PRKCE: variants seen among roughly 807,000 people sequenced by gnomAD.
PRKCE encodes the protein protein kinase C epsilon type.
Under a neutral mutation model 85.4 loss-of-function variants are expected in PRKCE, and 16 were observed. The observed-to-expected ratio is 0.19, with a 90% confidence interval of 0.13 to 0.28. PRKCE has a LOEUF of 0.28. Among genes scored for constraint, PRKCE ranks in the 10% least tolerant of loss-of-function variants. The probability of loss-of-function intolerance (pLI) is 1.00; values close to 1 mark genes in which losing one functional copy is unlikely to be tolerated. For missense variants in PRKCE, 573 were observed against 975.2 expected, an observed-to-expected ratio of 0.59 and a Z score of 5.49; for synonymous variants, 388 against 371.5, an observed-to-expected ratio of 1.04 and a Z score of -0.51.
chr2:45,956,979 T>TA (rs1354989513), intron 2 of PRKCE, among the ~76,000 whole-genome samples: 1 of 152,234 alleles, frequency 6.6e-6, no homozygotes, highest in East Asian at 1.9e-4. Context: ...GCTCATTTTT[T>TA]ATTTGACTGT....
chr2:45,894,553 G>A (rs1695983433), intron 2 of PRKCE, among the ~76,000 whole-genome samples: 1 of 151,942 alleles, frequency 6.6e-6, no homozygotes. Flanking sequence ...TACCTGAAAT[G>A]TGGTTGTCTT....
chr2:45,815,119 C>T (rs1220165771), intron 1 of PRKCE, among the ~76,000 whole-genome samples: 1 of 152,154 alleles, frequency 6.6e-6, no homozygotes, highest in African/African-American at 2.4e-5. Flanking sequence ...ATTTAGTCCC[C>T]AAGCCAGAAC....
At chr2:45,874,381 C>G (rs1289925525) in intron 2 of PRKCE, among the ~76,000 whole-genome samples, 4 of 152,344 alleles carry the variant, frequency 2.6e-5, no homozygotes, top group South Asian at 4.1e-4. Flanking sequence ...TGTGCCTGTC[C>G]TCTGGCCTCC....
intron 1 of PRKCE, among the ~76,000 whole-genome samples, chr2:45,720,225 T>A (rs144078578): frequency 6.6e-6 from 1 of 152,292 alleles, no homozygotes; most frequent in Non-Finnish European, 1.5e-5. Flanking sequence ...GAGCAGCCAC[T>A]GTCCCACCCT....
intron 2 of PRKCE, among the ~76,000 whole-genome samples, chr2:45,944,324 C>G (rs961984990): frequency 6.6e-6 from 1 of 152,156 alleles, no homozygotes; most frequent in Non-Finnish European, 1.5e-5. Context: ...GCAGGCATTC[C>G]TTATGCATGA....
At chr2:45,992,741 C>G (rs1025449037) in intron 6 of PRKCE, among the ~76,000 whole-genome samples, 1 of 152,194 alleles carries the variant, frequency 6.6e-6, no homozygotes, top group Non-Finnish European at 1.5e-5. Context: ...TTCCCAGGAG[C>G]CTGGCCTGCC....
intron 1 of PRKCE, among the ~76,000 whole-genome samples, chr2:45,752,140 CAAGTGAACA>C (rs1683627881): frequency 6.6e-6 from 1 of 152,194 alleles, no homozygotes; most frequent in Non-Finnish European, 1.5e-5. Context: ...AGCAAGAAAA[CAAGTGAACA>C]TCACATGGAA....
At chr2:45,869,429 T>C (rs1693895953) in intron 2 of PRKCE, among the ~76,000 whole-genome samples, 2 of 152,198 alleles carry the variant, frequency 1.3e-5, no homozygotes, top group Non-Finnish European at 2.9e-5. Flanking sequence ...TCACAAAATA[T>C]TGCTAACGAT....
chr2:45,918,086 C>G (rs950690024), intron 2 of PRKCE, among the ~76,000 whole-genome samples: 18 of 152,214 alleles, frequency 1.2e-4, no homozygotes, highest in African/African-American at 4.3e-4. Flanking sequence ...CTGAGGGAGC[C>G]GGCTCCGGCC....
At chr2:45,893,983 A>T (rs2103634322) in intron 2 of PRKCE, among the ~76,000 whole-genome samples, 1 of 152,226 alleles carries the variant, frequency 6.6e-6, no homozygotes, top group African/African-American at 2.4e-5. Flanking sequence ...CAGTTTGCCC[A>T]TTTGTAAAAT....
chr2:46,136,949 C>T (rs1251201220), intron 11 of PRKCE, among the ~76,000 whole-genome samples: 1 of 152,184 alleles, frequency 6.6e-6, no homozygotes, highest in Admixed American at 6.5e-5. Context: ...TATCTCAGTG[C>T]TTTATACACA....
chr2:45,965,481 C>T (rs901007797), intron 2 of PRKCE, among the ~76,000 whole-genome samples: 23 of 152,168 alleles, frequency 1.5e-4, no homozygotes, highest in African/African-American at 4.1e-4. Context: ...TAAGTAGACT[C>T]CCCAGAGATT....
intron 1 of PRKCE, among the ~76,000 whole-genome samples, chr2:45,819,477 T>A (rs1467080981): frequency 6.6e-6 from 1 of 152,232 alleles, no homozygotes; most frequent in Non-Finnish European, 1.5e-5. Context: ...CAGTTGCAGC[T>A]GAGTGGCCGT....
chr2:46,137,863 C>A (rs1000471715), intron 11 of PRKCE, among the ~76,000 whole-genome samples: 4 of 152,116 alleles, frequency 2.6e-5, no homozygotes, highest in Non-Finnish European at 5.9e-5. Flanking sequence ...GATACGACAT[C>A]TTCTTTGCAT....
At chr2:45,735,973 C>G (rs1428031235) in intron 1 of PRKCE, among the ~76,000 whole-genome samples, 1 of 151,968 alleles carries the variant, frequency 6.6e-6, no homozygotes, top group Non-Finnish European at 1.5e-5. Flanking sequence ...TTTTCTTTTT[C>G]TTTTTTTGAG....
chr2:45,907,298 G>T lies in PRKCE; in HGVS notation c.412+64235G>T, dbSNP rs903159063. Among the ~76,000 whole-genome samples the T allele has an allele frequency of 1.3e-5, 2 of 152,214 alleles. No individual in the cohort carries two copies. Among genetic ancestry groups the T allele is most frequent in the African/African-American group, 4.8e-5 (2 of 41,442 alleles). On this transcript the variant is annotated intron_variant, in intron 2 of 14. Coordinates refer to ENST00000306156, the MANE Select transcript of PRKCE (RefSeq NM_005400.3). This position sits in a 1 kb window ranked among gnomAD's most constrained non-coding sequence, Gnocchi z 4.5. ...GGAAAAAATAAATCAGCCCCCTATT[G>T]AGTGACTTTCAGGAATGAGAGGCAG...
chr2:46,169,644 C>T (rs761352946), intron 14 of PRKCE, among the ~76,000 whole-genome samples: 25 of 152,246 alleles, frequency 1.6e-4, no homozygotes, highest in Non-Finnish European at 2.2e-4. Flanking sequence ...GAGATGACTT[C>T]GAAAATAAAC....
chr2:45,712,702 C>T (rs575384845), intron 1 of PRKCE, among the ~76,000 whole-genome samples: 1 of 152,112 alleles, frequency 6.6e-6, no homozygotes, highest in Non-Finnish European at 1.5e-5. Flanking sequence ...TTTTTTCCAT[C>T]CAGCTCAAGT....
chr2:45,807,668 G>C (rs1358920095), intron 1 of PRKCE, among the ~76,000 whole-genome samples: 1 of 152,158 alleles, frequency 6.6e-6, no homozygotes, highest in Non-Finnish European at 1.5e-5. Context: ...CTAGCTGAGT[G>C]GTTCTCAAAG....
Sources: gnomAD v4.1 joint callset for allele counts (sites outside exome capture counted in the v4.1 genomes callset) on GRCh38, gnomAD v4.1.1 for gene constraint, Gnocchi (gnomAD v3.1) non-coding constraint, MANE v1.5 for transcripts, NCBI Gene and HGNC (gene_info 2026-07-23, HGNC 2026-07-21) for gene names.